NCAM2: variants seen among roughly 807,000 people sequenced by gnomAD.
NCAM2 encodes the protein N-CAM-2.
NCAM2 carries 30 observed loss-of-function variants against 98.1 expected under a neutral mutation model. The ratio of observed to expected loss-of-function variants is 0.31; its 90% CI spans 0.23 to 0.41. NCAM2 has a LOEUF of 0.41. Among genes scored for constraint, NCAM2 ranks in the 10% least tolerant of loss-of-function variants. The pLI is 1.00. For synonymous variants in NCAM2, 368 were observed against 342.4 expected, an observed-to-expected ratio of 1.07 and a Z score of -0.83; for missense variants, 867 against 1,005.8, an observed-to-expected ratio of 0.86 and a Z score of 1.87.
At chr21:21,491,149 G>T (rs1986814337) in intron 15 of NCAM2, among the ~76,000 whole-genome samples, 1 of 151,672 alleles carries the variant, frequency 6.6e-6, no homozygotes, top group Non-Finnish European at 1.5e-5. Context: ...ATCATCAGCA[G>T]ATTCATAACA....
chr21:21,475,652 G>A lies in NCAM2; in HGVS notation c.1897-1639G>A, dbSNP rs571603416. 1.2e-4 allele frequency among the ~76,000 whole-genome samples: 18 copies of A among 152,228 alleles called. No individual in the cohort carries two copies. In the South Asian group the frequency reaches 3.7e-3, roughly 32 times the overall value. ...GTTCATACATCTCATAATACTTTAA[G>A]TAGTACTGGCTACAGGCCATTTTTA... On this transcript the variant is annotated intron_variant, in intron 14 of 17. Coordinates refer to ENST00000400546, the MANE Select transcript of NCAM2 (RefSeq NM_004540.5).
intron 9 of NCAM2, among the ~76,000 whole-genome samples, chr21:21,404,418 G>A (rs2076694941): frequency 6.6e-6 from 1 of 152,012 alleles, no homozygotes; most frequent in East Asian, 1.9e-4. Flanking sequence ...GTTTTATAAG[G>A]GGTTTCCCCT....
At chr21:21,166,539 C>T (rs2067958250) in intron 1 of NCAM2, among the ~76,000 whole-genome samples, 1 of 152,118 alleles carries the variant, frequency 6.6e-6, no homozygotes, top group African/African-American at 2.4e-5. Context: ...ATAAGTTTCC[C>T]AGAAGTTGTA....
intron 1 of NCAM2, among the ~76,000 whole-genome samples, chr21:21,201,822 A>G (rs2069234959): frequency 6.6e-6 from 1 of 152,154 alleles, no homozygotes; most frequent in African/African-American, 2.4e-5. Flanking sequence ...TGGTCTCTGG[A>G]CTTACAGCTT....
intron 8 of NCAM2, among the ~76,000 whole-genome samples, chr21:21,350,759 T>G (rs2075312114): frequency 6.6e-6 from 1 of 152,088 alleles, no homozygotes; most frequent in Admixed American, 6.6e-5. Flanking sequence ...ATTTCAGATA[T>G]ACATATAAGC....
chr21:21,193,911 G>A (rs1387468045), intron 1 of NCAM2, among the ~76,000 whole-genome samples: 2 of 151,762 alleles, frequency 1.3e-5, no homozygotes, highest in Non-Finnish European at 2.9e-5. Flanking sequence ...ATTAAATATG[G>A]GTATTGAATT....
intron 1 of NCAM2, among the ~76,000 whole-genome samples, chr21:21,179,972 C>A (rs116013502): frequency 6.6e-6 from 1 of 152,174 alleles, no homozygotes; most frequent in African/African-American, 2.4e-5. Flanking sequence ...GTCAACTGAA[C>A]GCTGGACTGC....
chr21:21,401,470 C>G (rs977944647), intron 9 of NCAM2, among the ~76,000 whole-genome samples: 3 of 152,162 alleles, frequency 2.0e-5, no homozygotes, highest in African/African-American at 7.2e-5. Flanking sequence ...ATTCCTCTTA[C>G]CACCATAACC....
chr21:21,516,380 GT>G (rs899337981), intron 16 of NCAM2, among the ~76,000 whole-genome samples: 229 of 150,970 alleles, frequency 1.5e-3, no homozygotes, highest in African/African-American at 3.9e-3. Context: ...AATTATAAAA[GT>G]TTTTTTTTCA....
chr21:21,479,359 G>A (rs1985564330), intron 15 of NCAM2, among the ~76,000 whole-genome samples: 2 of 151,642 alleles, frequency 1.3e-5, no homozygotes, highest in Admixed American at 6.6e-5. Context: ...CCAGGTGGGC[G>A]GATCACGAGG....
At chr21:21,464,044 T>C (rs1983350775) in intron 12 of NCAM2, among the ~76,000 whole-genome samples, 1 of 152,142 alleles carries the variant, frequency 6.6e-6, no homozygotes, top group Non-Finnish European at 1.5e-5. Flanking sequence ...TATGTAGGAT[T>C]TTATTTGCAA....
chr21:21,211,679 A>G (rs1285235720), intron 1 of NCAM2, among the ~76,000 whole-genome samples: 1 of 152,200 alleles, frequency 6.6e-6, no homozygotes, highest in African/African-American at 2.4e-5. Context: ...AGCTTGGTCC[A>G]ACATTGAAGT....
chr21:21,388,446 A>C (rs2076315111), intron 9 of NCAM2, among the ~76,000 whole-genome samples: 1 of 152,198 alleles, frequency 6.6e-6, no homozygotes. Flanking sequence ...CAATTCTAGG[A>C]AATTCAAGAG....
At chr21:21,212,542 C>G (rs986730363) in intron 1 of NCAM2, among the ~76,000 whole-genome samples, 7 of 152,118 alleles carry the variant, frequency 4.6e-5, no homozygotes, top group Non-Finnish European at 1.0e-4. Context: ...GATTAATACA[C>G]ACACCCATAC....
intron 1 of NCAM2, among the ~76,000 whole-genome samples, chr21:21,024,412 G>A (rs898833802): frequency 2.0e-5 from 3 of 152,054 alleles, no homozygotes; most frequent in African/African-American, 7.2e-5. Flanking sequence ...GAAAATTGAA[G>A]TATTTATTTA....
chr21:21,040,180 G>A (rs547298770), intron 1 of NCAM2, among the ~76,000 whole-genome samples: 1 of 152,136 alleles, frequency 6.6e-6, no homozygotes, highest in Non-Finnish European at 1.5e-5. Flanking sequence ...GGAAAAAACT[G>A]TAGAGGATAT....
intron 1 of NCAM2, among the ~76,000 whole-genome samples, chr21:21,028,075 C>T (rs770781850): frequency 4.6e-5 from 7 of 152,108 alleles, no homozygotes; most frequent in Non-Finnish European, 7.4e-5. Context: ...GTTAGTCAGG[C>T]TGGTCTGGAA....
At chr21:21,291,855 TG>T (rs2073308278) in intron 4 of NCAM2, among the ~76,000 whole-genome samples, 2 of 151,556 alleles carry the variant, frequency 1.3e-5, no homozygotes, top group South Asian at 4.2e-4. Flanking sequence ...AACCATTTTA[TG>T]TGGATATAAA....
intron 8 of NCAM2, among the ~76,000 whole-genome samples, chr21:21,357,819 G>A (rs191837193): frequency 6.6e-5 from 10 of 152,022 alleles, no homozygotes; most frequent in South Asian, 4.1e-4. Flanking sequence ...AACAAAAAGC[G>A]AAGAACAAAT....
Sources: gnomAD v4.1 joint callset for allele counts (sites outside exome capture counted in the v4.1 genomes callset) on GRCh38, gnomAD v4.1.1 for gene constraint, MANE v1.5 for transcripts, NCBI Gene and HGNC (gene_info 2026-07-23, HGNC 2026-07-21) for gene names.